RAPGEF5: variants seen among roughly 807,000 people sequenced by gnomAD.
RAPGEF5 encodes M-Ras-regulated GEF.
Under a neutral mutation model 125.2 loss-of-function variants are expected in RAPGEF5, and 65 were observed. The observed-to-expected ratio is 0.52, with a 90% CI of 0.43 to 0.64. The LOEUF (loss-of-function observed/expected upper bound fraction) is 0.64, where lower values mean the gene tolerates loss of function less well. RAPGEF5 is among the 30% of genes least tolerant of loss of function. The pLI, the probability that RAPGEF5 is intolerant of heterozygous loss-of-function variation, is 0.00. For synonymous variants in RAPGEF5, 391 were observed against 385.9 expected, an observed-to-expected ratio of 1.01 and a Z score of -0.16; for missense variants, 958 against 1,048.1, an observed-to-expected ratio of 0.91 and a Z score of 1.19.
At position 22,310,110 on chromosome 7, in the gene RAPGEF5, T is replaced by C. The variant is rs1244274526; in HGVS notation, c.390-20A>G. Reference sequence around the variant, plus strand: ...CTCCTCCTGAACAAAAGCAAAGCCATTCACAGTAAGATATTGCTGACATCC... The same window carrying C: ...CTCCTCCTGAACAAAAGCAAAGCCACTCACAGTAAGATATTGCTGACATCC... On this transcript the variant is annotated intron_variant, in intron 3 of 25. Transcript: ENST00000665637. 3 of 1,526,990 alleles carry C rather than the reference T, an allele frequency of 2.0e-6. No homozygotes were observed. Among genetic ancestry groups the C allele is most frequent in the Non-Finnish European group, 1.7e-6 (2 of 1,143,456 alleles). The allele number at this position is 1,526,990 out of a possible 1,614,324, so 94.6% of individuals were successfully genotyped here.
chr7:22,309,584 A>G (rs1783422343), intron 4 of RAPGEF5, among the ~76,000 whole-genome samples: 1 of 152,244 alleles, frequency 6.6e-6, no homozygotes. Flanking sequence ...TTAAAATGGC[A>G]TAACATCCCA....
intron 6 of RAPGEF5, among the ~76,000 whole-genome samples, chr7:22,278,102 A>G (rs542131550): frequency 1.2e-3 from 184 of 152,282 alleles, no homozygotes; most frequent in African/African-American, 4.1e-3. Context: ...AATCTTCACT[A>G]GATTACACCA....
At chr7:22,235,428 A>G (rs1440486990) in intron 7 of RAPGEF5, among the ~76,000 whole-genome samples, 1 of 152,232 alleles carries the variant, frequency 6.6e-6, no homozygotes, top group Non-Finnish European at 1.5e-5. Flanking sequence ...GGGCTGGTCA[A>G]ACTGCACATC....
At chr7:22,334,012 C>T (rs1783978330) in intron 1 of RAPGEF5, among the ~76,000 whole-genome samples, 1 of 151,034 alleles carries the variant, frequency 6.6e-6, no homozygotes, top group African/African-American at 2.4e-5. Flanking sequence ...GCTCAAGCAG[C>T]CAAGACAGAG....
At chr7:22,321,515 G>A (rs1000351495) in intron 1 of RAPGEF5, among the ~76,000 whole-genome samples, 1 of 150,006 alleles carries the variant, frequency 6.7e-6, no homozygotes, top group African/African-American at 2.4e-5. Flanking sequence ...CTTAGACTCA[G>A]TTAAAGTACT....
At chr7:22,146,817 C>A in intron 19 of RAPGEF5, 80 bp downstream of exon 19, 1 of 1,470,074 alleles carries the variant, frequency 6.8e-7, no homozygotes, top group Non-Finnish European at 9.1e-7. Context: ...ATAATTTCAT[C>A]ACCGCACGCA....
At chr7:22,280,591 G>C (rs1397710783) in intron 6 of RAPGEF5, among the ~76,000 whole-genome samples, 1 of 152,178 alleles carries the variant, frequency 6.6e-6, no homozygotes, top group East Asian at 1.9e-4. Context: ...GAACCAGTCA[G>C]AACTTATTCG....
chr7:22,197,896 G>GGT (rs1554327510), intron 9 of RAPGEF5, among the ~76,000 whole-genome samples: 26 of 146,462 alleles, frequency 1.8e-4, no homozygotes, highest in African/African-American at 5.8e-4. Context: ...TTTTTTTTGG[G>GGT]GGGGGGTGGT....
chr7:22,282,544 C>A (rs1782697131), intron 6 of RAPGEF5, among the ~76,000 whole-genome samples: 1 of 152,086 alleles, frequency 6.6e-6, no homozygotes, highest in South Asian at 2.1e-4. Context: ...GTGTTTTCAA[C>A]CCACATAGAT....
At chr7:22,167,446 G>A (rs1351839315) in intron 11 of RAPGEF5, among the ~76,000 whole-genome samples, 1 of 152,108 alleles carries the variant, frequency 6.6e-6, no homozygotes, top group Admixed American at 6.6e-5. Context: ...GGGTAAAGAT[G>A]ATATAGAAAA....
chr7:22,315,627 T>C (rs1015261309), intron 2 of RAPGEF5, among the ~76,000 whole-genome samples, 151 bp from the exon 3 acceptor site: 5 of 150,136 alleles, frequency 3.3e-5, no homozygotes, highest in Non-Finnish European at 7.4e-5. Flanking sequence ...GGTTGAGACA[T>C]ATTTTAGCCA....
chr7:22,343,255 A>G (rs1244195812), intron 1 of RAPGEF5, among the ~76,000 whole-genome samples: 1 of 152,146 alleles, frequency 6.6e-6, no homozygotes, highest in Non-Finnish European at 1.5e-5. Context: ...CACAGGAAAG[A>G]TCTGCCCCCA....
intron 1 of RAPGEF5, among the ~76,000 whole-genome samples, chr7:22,321,989 A>G (rs971089858): frequency 1.3e-5 from 2 of 152,202 alleles, no homozygotes; most frequent in Non-Finnish European, 2.9e-5. Context: ...CTTGAGAATT[A>G]TCCAGTCGTC....
chr7:22,293,047 A>T (rs1384853472), intron 5 of RAPGEF5, among the ~76,000 whole-genome samples: 1 of 152,228 alleles, frequency 6.6e-6, no homozygotes, highest in African/African-American at 2.4e-5. Context: ...ACCATGCCTT[A>T]GCAAAAACAT....
chr7:22,145,448 T>C (rs1783404606), intron 19 of RAPGEF5, among the ~76,000 whole-genome samples: 1 of 152,210 alleles, frequency 6.6e-6, no homozygotes, highest in Admixed American at 6.5e-5. Flanking sequence ...TTTTTCAGAA[T>C]GTAAGGAAGA....
At chr7:22,285,110 C>T (rs369539714) in intron 6 of RAPGEF5, among the ~76,000 whole-genome samples, 3 of 152,184 alleles carry the variant, frequency 2.0e-5, no homozygotes, top group Non-Finnish European at 4.4e-5. Context: ...GAGTACCAGT[C>T]GTTTATCCTA....
chr7:22,121,804 C>A lies in RAPGEF5; in HGVS notation c.*602G>T, dbSNP rs909699200. On this transcript the variant is annotated 3_prime_UTR_variant, in exon 26 of 26. Transcript: ENST00000665637. ...TGATTGTGGTGCAAAGTGATGCACA[C>A]CTTGACATTGTTCATCTGCCCATCA... The A allele has an allele frequency of 1.3e-5, 2 of 152,968 alleles. No individual in the cohort carries two copies. The highest frequency in any genetic ancestry group is 1.3e-4 in the Admixed American group (2 of 15,350). 9.5% of individuals were successfully genotyped at this position (152,968 alleles called of 1,614,324 possible).
intron 20 of RAPGEF5, among the ~76,000 whole-genome samples, chr7:22,144,498 G>A (rs1464617655): frequency 6.6e-6 from 1 of 152,198 alleles, no homozygotes; most frequent in Non-Finnish European, 1.5e-5. Context: ...AAGCCAACAA[G>A]TGTTCAGGGT....
intron 18 of RAPGEF5, 98 bp from the exon 19 acceptor site, chr7:22,147,117 G>C: frequency 6.9e-7 from 1 of 1,440,474 alleles, no homozygotes; most frequent in Non-Finnish European, 9.4e-7. Context: ...GATTAGCAAA[G>C]TAATCTTTTC....
Sources: allele counts gnomAD v4.1 joint callset (sites outside exome capture counted in the v4.1 genomes callset), GRCh38; gene constraint gnomAD v4.1.1; transcripts MANE v1.5; gene names NCBI Gene and HGNC (gene_info 2026-07-23, HGNC 2026-07-21).